The following PARD3 variants were observed in gnomAD, a reference collection of about 807,000 sequenced individuals.
PARD3 encodes the protein par-3 family cell polarity regulator, also known as partitioning defective 3 homolog.
Under a neutral mutation model 155.4 loss-of-function variants are expected in PARD3, and 75 were observed. That is an observed-to-expected ratio of 0.48 (90% CI 0.40 to 0.58). The LOEUF is 0.58. Ranked by LOEUF, PARD3 falls within the 20% of genes least tolerant of loss-of-function variation. The pLI is 0.00. For synonymous variants in PARD3, 576 were observed against 610.5 expected, an observed-to-expected ratio of 0.94 and a Z score of 0.83; for missense variants, 1,642 against 1,721.7, an observed-to-expected ratio of 0.95 and a Z score of 0.82.
chr10:34,746,051 T>G (rs1041337179), intron 1 of PARD3, among the ~76,000 whole-genome samples: 2 of 151,798 alleles, frequency 1.3e-5, no homozygotes, highest in African/African-American at 4.8e-5. Flanking sequence ...GCAGTGAGCC[T>G]AGATCGCACC....
chr10:34,468,483 T>C (rs1344566576), intron 4 of PARD3, among the ~76,000 whole-genome samples: 1 of 152,154 alleles, frequency 6.6e-6, no homozygotes, highest in Non-Finnish European at 1.5e-5. Context: ...TAAATTAAAT[T>C]AGGTCTGTTC....
At chr10:34,331,640 T>C (rs1314209793) in intron 18 of PARD3, among the ~76,000 whole-genome samples, 1 of 152,090 alleles carries the variant, frequency 6.6e-6, no homozygotes, top group African/African-American at 2.4e-5. Flanking sequence ...GCTCCGGTAA[T>C]AGGAATAATC....
At chr10:34,521,222 T>C (rs990301058) in intron 2 of PARD3, among the ~76,000 whole-genome samples, 3 of 152,188 alleles carry the variant, frequency 2.0e-5, no homozygotes, top group African/African-American at 7.2e-5. Flanking sequence ...ATTTGCAATA[T>C]GCCAATAACA....
chr10:34,279,494 A>G (rs1381093181), intron 21 of PARD3, among the ~76,000 whole-genome samples: 2 of 152,160 alleles, frequency 1.3e-5, no homozygotes, highest in African/African-American at 4.8e-5. Context: ...ATGCTGCTAC[A>G]GGATAGAAAA....
At chr10:34,206,931 G>C (rs979482213) in intron 22 of PARD3, among the ~76,000 whole-genome samples, 1 of 152,120 alleles carries the variant, frequency 6.6e-6, no homozygotes, top group African/African-American at 2.4e-5. Context: ...TACAGCCAGA[G>C]AAAAGCAGTA....
At chr10:34,288,194 G>C (rs530399868) in intron 20 of PARD3, among the ~76,000 whole-genome samples, 1 of 152,188 alleles carries the variant, frequency 6.6e-6, no homozygotes, top group Non-Finnish European at 1.5e-5. Context: ...CTGGGTGACA[G>C]AGTAAGACCT....
intron 15 of PARD3, 24 bp from the exon 16 acceptor site, chr10:34,341,840 A>T: frequency 3.5e-6 from 5 of 1,420,992 alleles, no homozygotes; most frequent in Non-Finnish European, 4.9e-6. Flanking sequence ...AAAGAAGAAG[A>T]GAAAATTCTA....
intron 10 of PARD3, among the ~76,000 whole-genome samples, chr10:34,377,210 C>A (rs1342624166): frequency 1.3e-5 from 2 of 152,126 alleles, no homozygotes; most frequent in Admixed American, 1.3e-4. Flanking sequence ...TTCCACATTG[C>A]CAGACATAAA....
chr10:34,632,496 AAGAC>A (rs2132837647), intron 2 of PARD3, among the ~76,000 whole-genome samples: 1 of 152,324 alleles, frequency 6.6e-6, no homozygotes, highest in South Asian at 2.1e-4. Flanking sequence ...GGGCTGGCAA[AAGAC>A]AGACCAGAGA....
chr10:34,490,919 G>A (rs2079858103), intron 3 of PARD3, among the ~76,000 whole-genome samples: 1 of 152,186 alleles, frequency 6.6e-6, no homozygotes, highest in African/African-American at 2.4e-5. Context: ...AAGAAGCCCA[G>A]GAATTACTTT....
At chr10:34,197,991 C>A (rs1951028431) in intron 22 of PARD3, among the ~76,000 whole-genome samples, 2 of 152,196 alleles carry the variant, frequency 1.3e-5, no homozygotes, top group South Asian at 4.1e-4. Flanking sequence ...CTGCCTCAGC[C>A]TCCCAAAATG....
At chr10:34,252,112 G>A (rs1954347228) in intron 22 of PARD3, among the ~76,000 whole-genome samples, 1 of 152,198 alleles carries the variant, frequency 6.6e-6, no homozygotes, top group African/African-American at 2.4e-5. Flanking sequence ...GTCAGGGTGT[G>A]CTGGGGAGGG....
chr10:34,515,358 A>G (rs2081651639), intron 3 of PARD3, among the ~76,000 whole-genome samples: 1 of 152,264 alleles, frequency 6.6e-6, no homozygotes, highest in Non-Finnish European at 1.5e-5. Flanking sequence ...TCTCTTGCAT[A>G]TAAAAAATAT....
chr10:34,111,490 G>C lies in PARD3; in HGVS notation c.3741C>G (p.Phe1247Leu). The C allele has an allele frequency of 6.2e-7, 1 of 1,614,110 alleles. No individual in the cohort carries two copies. ...ACCTGGGGTTCTCTTTGGCACTCTG[G>C]AAGCCTTCCCCAGGGGAGTAGTTCT... is the stretch of plus-strand genomic sequence containing the variant. The part of the protein sequence containing the change: ...WEQNYSPGEG[F>L]QSAKENPRYS... Residue 1247 changes from phenylalanine to leucine, a missense_variant, in exon 25 of 25, where the codon TTC (phenylalanine) becomes TTG (leucine). Physicochemically the swap from Phe to Leu is conservative, Grantham distance 22. Transcript: ENST00000374788.
chr10:34,131,592 G>C lies in PARD3; in HGVS notation c.3420-9C>G. ...TAGGAGTTGATCTGTTACTGAAAGA[G>C]AGATGAGGCAGCAGTGAATACCCTT... On this transcript the variant is annotated splice_polypyrimidine_tract_variant and intron_variant, in intron 22 of 24. Coordinates refer to ENST00000374788, the MANE Select transcript of PARD3 (RefSeq NM_001184785.2). 1 of 1,613,404 alleles carries C rather than the reference G, an allele frequency of 6.2e-7. No homozygotes were observed. Among genetic ancestry groups the C allele is most frequent in the South Asian group, 1.1e-5 (1 of 91,028 alleles).
chr10:34,270,140 CTTTT>C (rs3039311), intron 21 of PARD3, among the ~76,000 whole-genome samples: 7 of 121,786 alleles, frequency 5.7e-5, no homozygotes, highest in Admixed American at 8.3e-5. Flanking sequence ...TAATTTAAAT[CTTTT>C]TTTTTTTTTT....
In PARD3 at chr10:34,666,777, T is replaced by TAA. The variant is rs771593408; in HGVS notation, c.222+29539_222+29540dup. ...CTTCCACCTCACCTACCCCTCCCCCTAAAAAAAAAAAAAAAAAAAATATAT... is the reference window on the plus strand; with the variant it reads ...CTTCCACCTCACCTACCCCTCCCCCTAAAAAAAAAAAAAAAAAAAAAATATAT... On this transcript the variant is annotated intron_variant, in intron 2 of 24. Coordinates refer to ENST00000374788, the MANE Select transcript of PARD3 (RefSeq NM_001184785.2). Among the ~76,000 whole-genome samples, 13 of 17,056 alleles carry TAA rather than the reference T, an allele frequency of 7.6e-4. 1 individual carries two copies. Among genetic ancestry groups the TAA allele is most frequent in the African/African-American group, 1.7e-3 (12 of 7,048 alleles). The allele number at this position is 17,056 out of a possible 152,430, so 11.2% of individuals were successfully genotyped here. A position where few individuals can be genotyped will look rare whatever the true frequency, so the allele number is the denominator to read the frequency against.
At chr10:34,319,858 T>G (rs1958270681) in intron 19 of PARD3, among the ~76,000 whole-genome samples, 1 of 152,146 alleles carries the variant, frequency 6.6e-6, no homozygotes. Context: ...GACCAAATAA[T>G]TACAGAACAA....
At chr10:34,209,013 AT>A in intron 22 of PARD3, among the ~76,000 whole-genome samples, 1 of 152,238 alleles carries the variant, frequency 6.6e-6, no homozygotes, top group East Asian at 1.9e-4. Flanking sequence ...TGAAAAGAGT[AT>A]TTGAGAATGA....
Sources: allele counts gnomAD v4.1 joint callset (sites outside exome capture counted in the v4.1 genomes callset), GRCh38; gene constraint gnomAD v4.1.1; transcripts MANE v1.5; gene names NCBI Gene and HGNC (gene_info 2026-07-23, HGNC 2026-07-21).